The following RPS10 variants were observed in gnomAD, a reference collection of about 807,000 sequenced individuals.
RPS10 encodes ribosomal protein S10.
In RPS10, 2 loss-of-function variants were observed where a neutral mutation model predicts 22.6. The observed-to-expected ratio is 0.09, with a 90% confidence interval of 0.04 to 0.28. RPS10 has a LOEUF of 0.28. Among genes scored for constraint, RPS10 ranks in the 10% least tolerant of loss-of-function variants. The probability of loss-of-function intolerance (pLI) is 1.00; values close to 1 mark genes in which losing one functional copy is unlikely to be tolerated. For missense variants in RPS10, 137 were observed against 222.2 expected (o/e 0.62, Z 2.44); for synonymous variants, 70 against 75.9 (o/e 0.92, Z 0.40).
intron 3 of RPS10, chr6:34,424,163 A>AAAAAAAAAAAAAAAAAAC (rs1561939868): frequency 6.6e-6 from 1 of 150,930 alleles, no homozygotes; most frequent in African/African-American, 2.5e-5. Context: ...AAAAAAAAAA[A>AAAAAAAAAAAAAAAAAAC]AGCAACTGTG....
In RPS10 at chr6:34,424,679, A is replaced by C; in HGVS notation, c.312T>G (p.Pro104=). 1 of 1,614,138 alleles carries C rather than the reference A, an allele frequency of 6.2e-7. No individual in the cohort carries two copies. Among genetic ancestry groups the C allele is most frequent in the Non-Finnish European group, 8.5e-7 (1 of 1,179,994 alleles). The change falls in exon 3 of 6, where the codon CCT becomes CCG. Residue 104 remains proline (P), a synonymous_variant. Coordinates refer to ENST00000648437, the MANE Select transcript of RPS10 (RefSeq NM_001014.5). ...GTGTGGGAACCATACCTTTAGGCCGAGGCCTGCCAGTCTCTGGACGGCTAC... is the reference window on the plus strand; with the variant it reads ...GTGTGGGAACCATACCTTTAGGCCGCGGCCTGCCAGTCTCTGGACGGCTAC... ...LRRSRPETGR[P]RPKGLEGERP...
At chr6:34,424,420 T>A in intron 3 of RPS10, 1 of 520,748 alleles carries the variant, frequency 1.9e-6, no homozygotes, top group Non-Finnish European at 3.5e-6. Flanking sequence ...CACATGTATC[T>A]GGATGTTTGT....
chr6:34,421,235 A>T (rs945570146), intron 4 of RPS10, among the ~76,000 whole-genome samples: 1 of 151,602 alleles, frequency 6.6e-6, no homozygotes, highest in African/African-American at 2.4e-5. Flanking sequence ...CATAGATCTA[A>T]TACAATGGCA....
chr6:34,424,140 T>TA lies in RPS10; in HGVS notation c.322+528dup, dbSNP rs71538239. 175 of 49,136 alleles carry TA rather than the reference T, an allele frequency of 3.6e-3. 18 individuals are homozygous for TA. Among genetic ancestry groups the TA allele is most frequent in the African/African-American group, 0.014 (130 of 9,468 alleles). The allele number at this position is 49,136 out of a possible 1,614,324, so 3.0% of individuals were successfully genotyped here. ...GCTGGGCAACAGAGCAAGACTCCGT[T>TA]AAAAAAAAAAAAAAAAAAAAAAAAG... is the stretch of plus-strand genomic sequence containing the variant. On this transcript the variant is annotated intron_variant, in intron 3 of 5. Transcript: ENST00000648437.
At chr6:34,423,959 C>T (rs1765858140) in intron 3 of RPS10, among the ~76,000 whole-genome samples, 1 of 151,830 alleles carries the variant, frequency 6.6e-6, no homozygotes, top group South Asian at 2.1e-4. Flanking sequence ...GGTAACTCTC[C>T]AGGGGAACCT....
Position 34,418,386 on chromosome 6 carries a change from C to T in RPS10, c.439G>A (p.Ala147Thr). Residue 147 changes from alanine (A) to threonine (T), a missense_variant, in exon 5 of 6, where the codon GCA becomes ACA. Transcript: ENST00000648437. ...DKKAEAGAGS[A>T]TEFQFRGGFG... ...ATACTCACAAACTGGAATTCGGTTG[C>T]TGACCCAGCCCCAGCCTCGGCTTTC... 6.2e-7 allele frequency: 1 copy of T among 1,614,148 alleles called. No individual in the cohort carries two copies. The highest frequency in any genetic ancestry group is 8.5e-7 in the Non-Finnish European group (1 of 1,180,014).
At chr6:34,418,169 C>T (rs1259212457) in intron 5 of RPS10, 200 bp downstream of exon 5, 3 of 1,484,084 alleles carry the variant, frequency 2.0e-6, no homozygotes, top group Non-Finnish European at 2.7e-6. Flanking sequence ...ATTTCTGAGA[C>T]TCATTTCAGT....
At chr6:34,420,084 G>C (rs925683198) in intron 4 of RPS10, among the ~76,000 whole-genome samples, 1 of 152,126 alleles carries the variant, frequency 6.6e-6, no homozygotes, top group African/African-American at 2.4e-5. Flanking sequence ...AAAGACATTA[G>C]TACTCAAATA....
chr6:34,421,879 G>T, intron 3 of RPS10, 72 bp from the exon 4 acceptor site: 2 of 1,557,588 alleles, frequency 1.3e-6, no homozygotes, highest in Non-Finnish European at 1.8e-6. Context: ...AAGAAAACTG[G>T]CATTGCTCTC....
At chr6:34,417,769 C>T (rs2113794307) in intron 5 of RPS10, 1 of 717,206 alleles carries the variant, frequency 1.4e-6, no homozygotes, top group South Asian at 1.5e-5. Context: ...GGGAGTATGG[C>T]CACCCACCCA....
At position 34,417,468 on chromosome 6, in the gene RPS10, C is replaced by T; in HGVS notation, c.*38G>A. The T allele has an allele frequency of 1.3e-6, 2 of 1,585,522 alleles. No homozygotes were observed. Among genetic ancestry groups the T allele is most frequent in the Non-Finnish European group, 1.7e-6 (2 of 1,156,114 alleles). On this transcript the variant is annotated 3_prime_UTR_variant, in exon 6 of 6. Transcript: ENST00000648437. ...TGGACAAAAGATTAAGGTTTTTTGG[C>T]TGTAAGTTTATTCAATGCAAAAGAA...
intron 3 of RPS10, among the ~76,000 whole-genome samples, chr6:34,423,388 T>A (rs977836203): frequency 6.6e-6 from 1 of 152,166 alleles, no homozygotes; most frequent in Non-Finnish European, 1.5e-5. Flanking sequence ...TGCCTTGGCC[T>A]CCTAAAGTGC....
intron 2 of RPS10, 100 bp from the exon 3 acceptor site, chr6:34,424,940 C>G: frequency 6.2e-7 from 1 of 1,606,910 alleles, no homozygotes; most frequent in Non-Finnish European, 8.5e-7. Context: ...GCAAGCAGCC[C>G]CCGCAGTCCT....
chr6:34,419,593 TTG>T (rs1406483431), intron 4 of RPS10, among the ~76,000 whole-genome samples: 10 of 151,914 alleles, frequency 6.6e-5, no homozygotes, highest in Admixed American at 6.6e-4. Context: ...TTTTTTTTTT[TTG>T]AGACGAAGTC....
At chr6:34,425,410 G>A (rs770253519) in intron 1 of RPS10, 189 bp from the exon 2 acceptor site, 8 of 687,224 alleles carry the variant, frequency 1.2e-5, no homozygotes, top group Admixed American at 2.4e-5. Context: ...CAATTCAGGT[G>A]GAAAAGTTGA....
At position 34,424,899 on chromosome 6, in the gene RPS10, A is replaced by T. The variant is rs185805907; in HGVS notation, c.151-59T>A. 13 of 1,611,986 alleles carry T rather than the reference A, an allele frequency of 8.1e-6. No homozygotes were observed. The East Asian group carries it at 2.7e-4, about 33-fold the overall frequency. Reference sequence around the variant, plus strand: ...GTAGAAGCTTGGATCATCCTAGGCAAGTCTCCAGTCCCAGCCAGCCCTTCA... The same window carrying T: ...GTAGAAGCTTGGATCATCCTAGGCATGTCTCCAGTCCCAGCCAGCCCTTCA... On this transcript the variant is annotated intron_variant, in intron 2 of 5. Coordinates refer to ENST00000648437, the MANE Select transcript of RPS10 (RefSeq NM_001014.5).
chr6:34,424,926 G>C, intron 2 of RPS10, 86 bp from the exon 3 acceptor site: 22 of 1,608,658 alleles, frequency 1.4e-5, no homozygotes, highest in Non-Finnish European at 1.9e-5. Context: ...AGCCCTTCAA[G>C]TTAGCAAGCA....
At chr6:34,419,178 A>C (rs978765994) in intron 4 of RPS10, among the ~76,000 whole-genome samples, 1 of 151,276 alleles carries the variant, frequency 6.6e-6, no homozygotes, top group Non-Finnish European at 1.5e-5. Flanking sequence ...GCCACCATGC[A>C]TGGCTAATTT....
intron 5 of RPS10, chr6:34,417,844 A>C (rs978355824): frequency 2.8e-6 from 2 of 718,372 alleles, no homozygotes; most frequent in Non-Finnish European, 5.2e-6. Context: ...TCTACTGTAC[A>C]TGCTTCCTTT....
Sources: gnomAD v4.1 joint callset for allele counts (sites outside exome capture counted in the v4.1 genomes callset) on GRCh38, gnomAD v4.1.1 for gene constraint, MANE v1.5 for transcripts, NCBI Gene and HGNC (gene_info 2026-07-23, HGNC 2026-07-21) for gene names.